LRRC43: variants seen among roughly 807,000 people sequenced by gnomAD.
LRRC43 encodes leucine rich repeat containing 43.
A neutral mutation model predicts 64.3 loss-of-function variants in LRRC43; 62 were observed. The ratio of observed to expected loss-of-function variants is 0.96; its 90% CI spans 0.79 to 1.19. The LOEUF is 1.19. Ranked by LOEUF, LRRC43 falls within the 50% of genes most tolerant of loss-of-function variation. LRRC43 has a pLI of 0.00. For missense variants in LRRC43, 868 were observed against 845.0 expected, an observed-to-expected ratio of 1.03 and a Z score of -0.34; for synonymous variants, 422 against 382.3, an observed-to-expected ratio of 1.10 and a Z score of -1.21.
chr12:122,201,010 C>T, intron 10 of LRRC43, 76 bp downstream of exon 10: 2 of 1,494,326 alleles, frequency 1.3e-6, no homozygotes, highest in Non-Finnish European at 1.8e-6. Context: ...CAAGCAAGGG[C>T]TGTGGGCCCA....
At chr12:122,182,317 A>T (rs1406551860), upstream of LRRC43, among the ~76,000 whole-genome samples, 1 of 152,092 alleles carries the variant, frequency 6.6e-6, no homozygotes, top group African/African-American at 2.4e-5. Flanking sequence ...TGAGGTCAGG[A>T]GTTCGAGACC....
rs777340085 is a variant in LRRC43 at position 122,190,345 on chromosome 12, T to A, written c.878T>A (p.Phe293Tyr). 1 of 1,614,024 alleles carries A rather than the reference T, an allele frequency of 6.2e-7. No individual in the cohort carries two copies. The highest frequency in any genetic ancestry group is 2.2e-5 in the East Asian group (1 of 44,874). ...GTGTCTCCCAATGAGAAGCATCTCT[T>A]CCGGGGGCTCAGCCTCAATGGCGGT... ...ITVSPNEKHL[F>Y]RGLSLNGDLL... is the part of the protein sequence containing the mutation. Residue 293 changes from phenylalanine to tyrosine, a missense_variant, in exon 5 of 12, where the codon TTC (phenylalanine) becomes TAC (tyrosine). Transcript: ENST00000339777.
In LRRC43 at chr12:122,188,011, G is replaced by A. The variant is rs565334686; in HGVS notation, c.662+171G>A. The A allele has an allele frequency of 2.7e-4, 183 of 666,208 alleles. 2 individuals are homozygous for A. In the African/African-American group the frequency reaches 3.0e-3, roughly 11 times the overall value. 41.3% of individuals were successfully genotyped at this position (666,208 alleles called of 1,614,324 possible). ...CTGAATCCCCCTTCAGTGGGATTTT[G>A]TAAACAAAAAGCCCGGGGAAGGAGA... is the stretch of plus-strand genomic sequence containing the variant. On this transcript the variant is annotated intron_variant, in intron 4 of 11. Coordinates refer to ENST00000339777, the MANE Select transcript of LRRC43 (RefSeq NM_001098519.2).
At position 122,191,452 on chromosome 12, in the gene LRRC43, T is replaced by C. The variant is rs1319938228; in HGVS notation, c.974T>C (p.Leu325Ser). 1 of 1,614,014 alleles carries C rather than the reference T, an allele frequency of 6.2e-7. No homozygotes were observed. Among genetic ancestry groups the C allele is most frequent in the Non-Finnish European group, 8.5e-7 (1 of 1,180,004 alleles). ...NIRGVLDTSV[L>S]DPEPRPEGPF... Reference sequence around the variant, plus strand: ...AGAGGAGTCCTGGACACCTCTGTCTTAGACCCGGAACCCAGGCCCGAAGGC... The same window carrying C: ...AGAGGAGTCCTGGACACCTCTGTCTCAGACCCGGAACCCAGGCCCGAAGGC... The change falls in exon 6 of 12, where the codon TTA becomes TCA. Residue 325 changes from leucine to serine, a missense_variant. By Grantham distance (145) the Leu-to-Ser change is moderately radical. Transcript: ENST00000339777.
chr12:122,203,336 C>T lies in LRRC43; in HGVS notation c.1865C>T (p.Pro622Leu). The T allele has an allele frequency of 3.1e-6, 5 of 1,612,946 alleles. No individual in the cohort carries two copies. The highest frequency in any genetic ancestry group is 4.2e-6 in the Non-Finnish European group (5 of 1,179,896). The change falls in exon 12 of 12, where the codon CCG becomes CTG. Residue 622 changes from proline (P) to leucine (L), a missense_variant. Transcript: ENST00000339777. ...AKKEKPKAVI[P>L]IYEGDYHPEP... ...TCAGAAAAGCCGAAAGCCGTGATTC[C>T]GATCTACGAAGGCGATTACCACCCT... is the stretch of plus-strand genomic sequence containing the variant.
chr12:122,174,167 G>A, intron 1 of LRRC43: 3 of 1,614,160 alleles, frequency 1.9e-6, no homozygotes, highest in Non-Finnish European at 1.7e-6. Flanking sequence ...CTGAGTGAGA[G>A]GCCATGGCGA....
upstream of LRRC43, among the ~76,000 whole-genome samples, chr12:122,179,490 A>T (rs1335798819): frequency 6.6e-6 from 1 of 152,002 alleles, no homozygotes; most frequent in Non-Finnish European, 1.5e-5. Flanking sequence ...TGTGGATCTG[A>T]AGCGTGTAGG....
At chr12:122,188,138 G>A (rs530396477) in intron 4 of LRRC43, among the ~76,000 whole-genome samples, 5 of 152,000 alleles carry the variant, frequency 3.3e-5, no homozygotes, top group South Asian at 2.1e-4. Flanking sequence ...ACAGCATCTC[G>A]CTTTGTCGCC....
At chr12:122,178,661 G>A (rs1446997391), upstream of LRRC43, among the ~76,000 whole-genome samples, 1 of 137,396 alleles carries the variant, frequency 7.3e-6, no homozygotes, top group East Asian at 2.3e-4. Flanking sequence ...GCATGATCTC[G>A]GCTCACCACA....
At chr12:122,186,763 A>G (rs563334406) in intron 3 of LRRC43, among the ~76,000 whole-genome samples, 2 of 152,300 alleles carry the variant, frequency 1.3e-5, no homozygotes, top group South Asian at 4.2e-4. Context: ...TACTAAAAAT[A>G]CAAAAATTAG....
In LRRC43 at chr12:122,173,932, G is replaced by A. The variant is rs769337014; in HGVS notation, c.-406+6150G>A. On this transcript the variant is annotated intron_variant, in intron 1 of 5. Coordinates refer to the LRRC43 transcript ENST00000537729. ...TGGTCGTAGTAAACGGACGGGCAAC[G>A]TGTGGGAGGCCAGCCAGCCTCCCAG... 18 of 1,614,116 alleles carry A rather than the reference G, an allele frequency of 1.1e-5. No individual in the cohort carries two copies. In the Admixed American group the frequency reaches 1.5e-4, roughly 13 times the overall value.
intron 4 of LRRC43, among the ~76,000 whole-genome samples, chr12:122,188,473 A>C (rs1209615205): frequency 1.4e-5 from 2 of 146,272 alleles, no homozygotes; most frequent in Non-Finnish European, 3.0e-5. Context: ...ATGGAGTTTC[A>C]CTCTGTTGCC....
intron 11 of LRRC43, among the ~76,000 whole-genome samples, chr12:122,201,739 C>T (rs1367103833): frequency 1.3e-5 from 2 of 152,126 alleles, no homozygotes; most frequent in African/African-American, 2.4e-5. Context: ...AAAGAACAAC[C>T]AACTGGGAGG....
At position 122,200,637 on chromosome 12, in the gene LRRC43, A is replaced by G. The variant is rs769610471; in HGVS notation, c.1597A>G (p.Lys533Glu). ...AGGGAAGGAGAAAGACAGGACGGGG[A>G]AAGGAGAGAAAGAGCCGGCCAAGGT... Reference protein sequence around the residue: ...KKGKEKDRTGKGEKEPAKEWK... With the variant: ...KKGKEKDRTGEGEKEPAKEWK... Residue 533 changes from lysine to glutamate, a missense_variant, in exon 9 of 12, where the codon AAA (lysine) becomes GAA (glutamate). Transcript: ENST00000339777. The surrounding 1 kb of genome is among the most constrained non-coding windows in gnomAD (Gnocchi z 4.6). 11 of 1,614,066 alleles carry G rather than the reference A, an allele frequency of 6.8e-6. No individual in the cohort carries two copies. In the South Asian group the frequency reaches 9.9e-5, roughly 14 times the overall value.
upstream of LRRC43, chr12:122,183,021 T>TGGTTGGGGCCAGGCTGTCTGATCC: frequency 7.2e-7 from 1 of 1,384,106 alleles, no homozygotes; most frequent in Non-Finnish European, 9.4e-7. Context: ...AAAACGCAGG[T>TGGTTGGGGCCAGGCTGTCTGATCC]GGTTGGGGCC....
At chr12:122,196,203 T>C (rs926834958) in intron 7 of LRRC43, among the ~76,000 whole-genome samples, 1 of 152,238 alleles carries the variant, frequency 6.6e-6, no homozygotes, top group East Asian at 1.9e-4. Flanking sequence ...TTGTCCAGTA[T>C]AGTCTAGTCT....
intron 1 of LRRC43, among the ~76,000 whole-genome samples, chr12:122,175,359 G>A (rs142318298): frequency 0.031 from 4,775 of 151,742 alleles, 124 homozygotes; most frequent in Non-Finnish European, 0.049. Context: ...TAGTAGAGAC[G>A]GGGTTCACTA....
intron 2 of LRRC43, 127 bp from the exon 3 acceptor site, chr12:122,186,063 G>C: frequency 1.6e-6 from 1 of 644,584 alleles, no homozygotes; most frequent in Non-Finnish European, 2.8e-6. Flanking sequence ...CTTCCGGGGA[G>C]CAGGGGGTGG....
intron 7 of LRRC43, among the ~76,000 whole-genome samples, chr12:122,198,006 G>A (rs964740328): frequency 6.6e-6 from 1 of 151,742 alleles, no homozygotes; most frequent in African/African-American, 2.4e-5. Flanking sequence ...TTGAGATGGA[G>A]TTTCACTCTT....
Sources: gnomAD v4.1 joint callset for allele counts (sites outside exome capture counted in the v4.1 genomes callset) on GRCh38, gnomAD v4.1.1 for gene constraint, Gnocchi (gnomAD v3.1) non-coding constraint, MANE v1.5 for transcripts, NCBI Gene and HGNC (gene_info 2026-07-23, HGNC 2026-07-21) for gene names.